Variants in CFDP1 observed in about 807,000 individuals in gnomAD.
The protein encoded by CFDP1 is chromatin remodeling protein CFDP1.
CFDP1 carries 31 observed loss-of-function variants against 40.1 expected under a neutral mutation model. The ratio of observed to expected loss-of-function variants is 0.77; its 90% confidence interval spans 0.58 to 1.04. The LOEUF is 1.04. Among genes scored for constraint, CFDP1 ranks in the 50% least tolerant of loss-of-function variants. The pLI is 0.00. For missense variants in CFDP1, 423 were observed against 343.4 expected (o/e 1.23, Z -1.83); for synonymous variants, 167 against 120.0 (o/e 1.39, Z -2.56).
chr16:75,321,486 C>G (rs2078363183), intron 5 of CFDP1, among the ~76,000 whole-genome samples: 2 of 152,214 alleles, frequency 1.3e-5, no homozygotes, highest in African/African-American at 4.8e-5. Context: ...TCTGCCTCAA[C>G]AGATTTACCT....
At chr16:75,337,225 T>A (rs1359222944) in intron 5 of CFDP1, among the ~76,000 whole-genome samples, 1 of 152,110 alleles carries the variant, frequency 6.6e-6, no homozygotes, top group African/African-American at 2.4e-5. Context: ...AGGGACTAAG[T>A]GCAGGAATGA....
At chr16:75,431,505 G>A (rs187677399) in intron 1 of CFDP1, among the ~76,000 whole-genome samples, 56 of 151,202 alleles carry the variant, frequency 3.7e-4, no homozygotes, top group Admixed American at 1.5e-3. Flanking sequence ...GATCGGGTGT[G>A]CTGGCGGGCG....
At chr16:75,296,919 G>C (rs2078186056) in intron 6 of CFDP1, among the ~76,000 whole-genome samples, 1 of 152,176 alleles carries the variant, frequency 6.6e-6, no homozygotes, top group Non-Finnish European at 1.5e-5. Flanking sequence ...ACTGCCAAGA[G>C]ACAGAAAAGG....
intron 6 of CFDP1, among the ~76,000 whole-genome samples, chr16:75,300,131 G>C (rs922460386): frequency 1.3e-5 from 2 of 152,222 alleles, no homozygotes; most frequent in Non-Finnish European, 1.5e-5. Flanking sequence ...AAAGGGTACA[G>C]AGGTAGAAGC....
intron 1 of CFDP1, among the ~76,000 whole-genome samples, chr16:75,420,851 A>C (rs1032619202): frequency 4.9e-4 from 75 of 152,208 alleles, no homozygotes; most frequent in Middle Eastern, 3.4e-3. Flanking sequence ...TATTTTTTTT[A>C]TTTTTAAGTG....
chr16:75,403,322 G>A (rs1377065888), intron 4 of CFDP1, among the ~76,000 whole-genome samples: 1 of 152,168 alleles, frequency 6.6e-6, no homozygotes, highest in Non-Finnish European at 1.5e-5. Flanking sequence ...GGTCTCAAGG[G>A]ACACTCCTAC....
intron 4 of CFDP1, among the ~76,000 whole-genome samples, chr16:75,408,539 G>A (rs757128351): frequency 6.6e-6 from 1 of 152,068 alleles, no homozygotes; most frequent in Admixed American, 6.6e-5. Flanking sequence ...AGCACTTTGG[G>A]AGGCTGAGGA....
chr16:75,417,731 C>T (rs1182067581), intron 1 of CFDP1, among the ~76,000 whole-genome samples: 5 of 151,720 alleles, frequency 3.3e-5, no homozygotes, highest in Non-Finnish European at 7.4e-5. Flanking sequence ...AAAATGATAA[C>T]ATAACCACAT....
chr16:75,351,328 T>C (rs2078608883), intron 5 of CFDP1, among the ~76,000 whole-genome samples: 1 of 152,238 alleles, frequency 6.6e-6, no homozygotes, highest in African/African-American at 2.4e-5. Flanking sequence ...TTATCCCTAA[T>C]GTCTTGAAAT....
chr16:75,385,775 T>A (rs944127240), intron 5 of CFDP1, among the ~76,000 whole-genome samples: 1 of 152,184 alleles, frequency 6.6e-6, no homozygotes, highest in Admixed American at 6.6e-5. Flanking sequence ...AATAATAAAT[T>A]ACTGTTTTAA....
chr16:75,393,839 C>A (rs191804631), intron 5 of CFDP1, among the ~76,000 whole-genome samples: 2,183 of 149,630 alleles, frequency 0.015, 53 homozygotes, highest in African/African-American at 0.05. Context: ...GAGGGCAGAT[C>A]ACGAGGTCAG....
intron 5 of CFDP1, among the ~76,000 whole-genome samples, chr16:75,366,746 G>A (rs552933168): frequency 3.3e-5 from 5 of 152,146 alleles, no homozygotes; most frequent in Middle Eastern, 3.2e-3. Flanking sequence ...TTGTCTGGAG[G>A]GCTCCCATCT....
At chr16:75,347,359 A>AAAAAAAAAAAAAAAAAAAAAAG (rs1555556963) in intron 5 of CFDP1, among the ~76,000 whole-genome samples, 1 of 53,670 alleles carries the variant, frequency 1.9e-5, no homozygotes, top group African/African-American at 8.2e-5. Flanking sequence ...AAAAAAAAAA[A>AAAAAAAAAAAAAAAAAAAAAAG]AAAAAGAAAA....
At chr16:75,345,839 G>A (rs1027698751) in intron 5 of CFDP1, among the ~76,000 whole-genome samples, 4 of 152,184 alleles carry the variant, frequency 2.6e-5, no homozygotes, top group Non-Finnish European at 4.4e-5. Flanking sequence ...TTTGAAAAAT[G>A]TTCAAGGCAC....
At chr16:75,305,320 C>T (rs550991535) in intron 5 of CFDP1, 138 bp from the exon 6 acceptor site, 1,223 of 826,658 alleles carry the variant, frequency 1.5e-3, no homozygotes, top group Non-Finnish European at 2.1e-3. Flanking sequence ...TGGGGCATTT[C>T]CTTCCTGGTG....
At chr16:75,368,921 G>T (rs890834385) in intron 5 of CFDP1, among the ~76,000 whole-genome samples, 4 of 151,976 alleles carry the variant, frequency 2.6e-5, no homozygotes, top group Non-Finnish European at 1.5e-5. Context: ...CATTTTCATT[G>T]TGGGTATCAG....
In CFDP1 at chr16:75,426,558, C is replaced by T. The variant is rs139968919; in HGVS notation, c.64+6731G>A. Among the ~76,000 whole-genome samples the T allele has an allele frequency of 3.8e-3, 574 of 152,062 alleles. 3 individuals are homozygous for T. Among genetic ancestry groups the T allele is most frequent in the Non-Finnish European group, 6.2e-3 (422 of 68,002 alleles). ...AGGCATGGTGTCTCATGCCTGTAGT[C>T]CCAGTTACTACAGAGGCTGAGGCAG... On this transcript the variant is annotated intron_variant, in intron 1 of 6. Transcript: ENST00000283882.
chr16:75,315,117 T>C (rs1331715318), intron 5 of CFDP1, among the ~76,000 whole-genome samples: 1 of 151,900 alleles, frequency 6.6e-6, no homozygotes, highest in African/African-American at 2.4e-5. Context: ...AATTGGGCCA[T>C]CATTTGGCCA....
chr16:75,356,643 G>A (rs2078645387), intron 5 of CFDP1, among the ~76,000 whole-genome samples: 1 of 152,098 alleles, frequency 6.6e-6, no homozygotes, highest in Non-Finnish European at 1.5e-5. Flanking sequence ...CTTATCACTC[G>A]AAATTTTGAA....
Sources: gnomAD v4.1 joint callset for allele counts (sites outside exome capture counted in the v4.1 genomes callset) on GRCh38, gnomAD v4.1.1 for gene constraint, MANE v1.5 for transcripts, NCBI Gene and HGNC (gene_info 2026-07-23, HGNC 2026-07-21) for gene names.